Variants in RIMS2 observed in about 807,000 individuals in gnomAD.
The protein encoded by RIMS2 is regulating synaptic membrane exocytosis protein 2.
RIMS2 carries 59 observed loss-of-function variants against 174.4 expected under a neutral mutation model. That is an observed-to-expected ratio of 0.34 (90% confidence interval 0.27 to 0.42). The LOEUF is 0.42. RIMS2 is among the 10% of genes least tolerant of loss of function. The pLI, the probability that RIMS2 is intolerant of heterozygous loss-of-function variation, is 1.00. For synonymous variants in RIMS2, 606 were observed against 572.5 expected, an observed-to-expected ratio of 1.06 and a Z score of -0.84; for missense variants, 1,620 against 1,666.3, an observed-to-expected ratio of 0.97 and a Z score of 0.48.
At chr8:104,223,569 C>A in intron 19 of RIMS2, 1 of 1,461,934 alleles carries the variant, frequency 6.8e-7, no homozygotes, top group South Asian at 1.4e-5. Context: ...GCCCACTGGT[C>A]CCGGAACCGC....
At chr8:103,669,144 T>C (rs1035453219) in intron 1 of RIMS2, among the ~76,000 whole-genome samples, 6 of 152,060 alleles carry the variant, frequency 3.9e-5, no homozygotes, top group Non-Finnish European at 8.8e-5. Context: ...AAAAGGCACA[T>C]CTTACATGGT....
intron 2 of RIMS2, among the ~76,000 whole-genome samples, chr8:103,725,455 T>A (rs2097516524): frequency 6.6e-6 from 1 of 152,224 alleles, no homozygotes; most frequent in Non-Finnish European, 1.5e-5. Context: ...GATTTGCCTG[T>A]TTTTGAACAT....
intron 4 of RIMS2, 47 bp downstream of exon 7, chr8:103,886,270 T>C (rs752590865): frequency 6.8e-7 from 1 of 1,460,416 alleles, no homozygotes; most frequent in East Asian, 2.4e-5. Flanking sequence ...TAGATAAGCG[T>C]TTTTTTTAAT....
At chr8:103,887,837 A>G (rs917588735) in intron 4 of RIMS2, among the ~76,000 whole-genome samples, 11 of 151,676 alleles carry the variant, frequency 7.3e-5, no homozygotes, top group African/African-American at 2.7e-4. Context: ...AGGAAGAGCC[A>G]TAAAATTTTA....
chr8:103,664,411 GAACTTA>G (rs1430195100), intron 1 of RIMS2, among the ~76,000 whole-genome samples: 3 of 151,946 alleles, frequency 2.0e-5, no homozygotes, highest in African/African-American at 7.3e-5. Flanking sequence ...AATCTACAGA[GAACTTA>G]AACAGATTTA....
At chr8:103,935,922 C>A (rs1327326442) in intron 12 of RIMS2, among the ~76,000 whole-genome samples, 3 of 152,138 alleles carry the variant, frequency 2.0e-5, no homozygotes, top group Non-Finnish European at 2.9e-5. Context: ...TCTGAGCTGG[C>A]AATGCCATTT....
chr8:103,610,307 T>C (rs1229466040), intron 1 of RIMS2, among the ~76,000 whole-genome samples: 1 of 152,150 alleles, frequency 6.6e-6, no homozygotes, highest in Non-Finnish European at 1.5e-5. Flanking sequence ...GTCTTCCTAT[T>C]TGGATGCCTT....
chr8:103,617,690 C>T (rs1051920300), intron 1 of RIMS2, among the ~76,000 whole-genome samples: 6 of 151,920 alleles, frequency 3.9e-5, no homozygotes, highest in African/African-American at 1.2e-4. Context: ...AAAAAGTGGG[C>T]AAAGAACATG....
rs540300200 is a variant in RIMS2, at chr8:103,781,257, A to G, written c.698+14720A>G. 2.0e-5 allele frequency among the ~76,000 whole-genome samples: 3 copies of G among 152,280 alleles called. No homozygotes were observed. In the South Asian group the frequency reaches 6.2e-4, roughly 32 times the overall value. ...GGGCAGATTATGGGGAAAGGCATCA[A>G]ATACCTTACAGCTTGCCTGGAGTTT... On this transcript the variant is annotated intron_variant, in intron 3 of 23. Coordinates refer to ENST00000504942, the Ensembl canonical transcript of RIMS2.
intron 3 of RIMS2, among the ~76,000 whole-genome samples, chr8:103,807,746 A>G (rs2098659522): frequency 6.6e-6 from 1 of 152,052 alleles, no homozygotes; most frequent in Admixed American, 6.6e-5. Flanking sequence ...GACAGATGGA[A>G]AATTGATAGA....
chr8:104,030,966 C>G (rs2096379148), intron 19 of RIMS2, among the ~76,000 whole-genome samples: 1 of 151,962 alleles, frequency 6.6e-6, no homozygotes, highest in South Asian at 2.1e-4. Flanking sequence ...TCCCTGTACC[C>G]AGACATGCCT....
intron 9 of RIMS2, among the ~76,000 whole-genome samples, chr8:103,919,745 G>C (rs2077245107): frequency 6.6e-6 from 1 of 152,048 alleles, no homozygotes; most frequent in Non-Finnish European, 1.5e-5. Flanking sequence ...GTAGTCCTTT[G>C]AATGCCATAG....
intron 19 of RIMS2, among the ~76,000 whole-genome samples, chr8:104,230,784 A>G (rs911258747): frequency 6.6e-6 from 1 of 152,250 alleles, no homozygotes; most frequent in East Asian, 1.9e-4. Context: ...CAAGGACTCA[A>G]AGAGCTGGAG....
At chr8:104,013,373 GATGC>G in intron 17 of RIMS2, 65 bp from the exon 20 acceptor site, 1 of 1,228,830 alleles carries the variant, frequency 8.1e-7, no homozygotes. Context: ...AAATCAGTTT[GATGC>G]ATCATAACCA....
chr8:103,794,202 T>C (rs200154967), intron 3 of RIMS2, among the ~76,000 whole-genome samples: 2 of 151,882 alleles, frequency 1.3e-5, no homozygotes, highest in African/African-American at 2.4e-5. Context: ...GCTATAGTAA[T>C]CAAAACAGCA....
At chr8:103,582,457 C>T (rs889423318) in intron 1 of RIMS2, among the ~76,000 whole-genome samples, 5 of 152,080 alleles carry the variant, frequency 3.3e-5, no homozygotes, top group Non-Finnish European at 7.4e-5. Flanking sequence ...AACATAGCCA[C>T]AGGGGGATAG....
intron 3 of RIMS2, among the ~76,000 whole-genome samples, chr8:103,870,123 A>G (rs893111212): frequency 4.8e-5 from 6 of 125,386 alleles, no homozygotes; most frequent in Non-Finnish European, 8.2e-5. Context: ...GCCGATAGCT[A>G]TAAGGACAGC....
intron 19 of RIMS2, among the ~76,000 whole-genome samples, chr8:104,102,585 A>T (rs1598905094): frequency 6.6e-6 from 1 of 152,182 alleles, no homozygotes; most frequent in Admixed American, 6.5e-5. Flanking sequence ...CTGAGACTGG[A>T]TAATTTATAA....
At chr8:103,644,117 G>A (rs991907929) in intron 1 of RIMS2, among the ~76,000 whole-genome samples, 4 of 151,502 alleles carry the variant, frequency 2.6e-5, no homozygotes, top group African/African-American at 9.7e-5. Context: ...ACTTATGCAA[G>A]TGTGTTGGCA....
Sources: allele counts gnomAD v4.1 joint callset (sites outside exome capture counted in the v4.1 genomes callset), GRCh38; gene constraint gnomAD v4.1.1; transcripts MANE v1.5; gene names NCBI Gene and HGNC (gene_info 2026-07-23, HGNC 2026-07-21).